AHR: variants seen among roughly 807,000 people sequenced by gnomAD.
AHR encodes AH-receptor.
A neutral mutation model predicts 86.8 loss-of-function variants in AHR; 40 were observed. The observed-to-expected ratio is 0.46, with a 90% CI of 0.36 to 0.60. The LOEUF (loss-of-function observed/expected upper bound fraction) is 0.60, where lower values mean the gene tolerates loss of function less well. Ranked by LOEUF, AHR falls within the 20% of genes least tolerant of loss-of-function variation. The pLI is 0.00. For missense variants in AHR, 1,001 were observed against 1,011.6 expected (o/e 0.99, Z 0.14); for synonymous variants, 398 against 354.9 (o/e 1.12, Z -1.37).
intron 1 of AHR, among the ~76,000 whole-genome samples, chr7:17,302,223 T>G (rs1211773818): frequency 6.6e-6 from 1 of 152,054 alleles, no homozygotes; most frequent in Admixed American, 6.6e-5. Context: ...ATCTACACTT[T>G]AAAATGATAC....
At chr7:17,309,114 ACTTTT>A (rs1562474530) in intron 1 of AHR, among the ~76,000 whole-genome samples, 2 of 152,146 alleles carry the variant, frequency 1.3e-5, no homozygotes, top group Non-Finnish European at 2.9e-5. Flanking sequence ...AAGTTATTCA[ACTTTT>A]CTTTTCTGAA....
Position 17,308,015 on chromosome 7 carries a change from C to A in AHR, c.66-1921C>A, listed in dbSNP as rs140140671. On this transcript the variant is annotated intron_variant, in intron 1 of 10. Transcript: ENST00000242057. ...ACGTCTGTCACCCCTTAGTTTCTTA[C>A]CTTGCTTTATTTTTCTTCTTAGCAC... Among the ~76,000 whole-genome samples the A allele has an allele frequency of 2.0e-5, 3 of 152,180 alleles. No individual in the cohort carries two copies. In the East Asian group the frequency reaches 5.8e-4, roughly 29 times the overall value.
intron 2 of AHR, among the ~76,000 whole-genome samples, chr7:17,320,010 C>T (rs532587739): frequency 1.3e-5 from 2 of 152,140 alleles, no homozygotes; most frequent in African/African-American, 4.8e-5. Context: ...TGGTAGAAAC[C>T]TCCAGTGATC....
intron 7 of AHR, among the ~76,000 whole-genome samples, chr7:17,334,349 G>T (rs554491923): frequency 6.6e-6 from 1 of 152,004 alleles, no homozygotes; most frequent in South Asian, 2.1e-4. Flanking sequence ...TATTAGTAAG[G>T]TTTATTCTTC....
Position 17,299,290 on chromosome 7 carries a change from C to T in AHR, c.26C>T (p.Thr9Ile). 1 of 1,612,530 alleles carries T rather than the reference C, an allele frequency of 6.2e-7. No individual in the cohort carries two copies. MNSSSANI[T>I]YASRKRRKPV... ...ATGAACAGCAGCAGCGCCAACATCA[C>T]CTACGCCAGTCGCAAGCGGCGGAAG... The change falls in exon 1 of 11, where the codon ACC (threonine) becomes ATC (isoleucine). Residue 9 changes from threonine to isoleucine, a missense_variant. Around this residue, in one of 2 missense-constraint regions of AHR, gnomAD observed 394 missense variants for 468.5 expected, o/e 0.84. Transcript: ENST00000242057.
At chr7:17,329,646 G>A (rs1175026510) in intron 4 of AHR, among the ~76,000 whole-genome samples, 1 of 151,876 alleles carries the variant, frequency 6.6e-6, no homozygotes, top group Non-Finnish European at 1.5e-5. Flanking sequence ...ACTAACAAAT[G>A]AATATGGAAC....
chr7:17,340,487 A>G (rs568796308), intron 10 of AHR, among the ~76,000 whole-genome samples: 1 of 152,200 alleles, frequency 6.6e-6, no homozygotes, highest in East Asian at 1.9e-4. Context: ...TGTCCTTAAT[A>G]TAAGATGACC....
chr7:17,338,667 G>A (rs546068957), intron 9 of AHR, among the ~76,000 whole-genome samples: 16 of 152,084 alleles, frequency 1.1e-4, no homozygotes, highest in Admixed American at 3.3e-4. Flanking sequence ...CTAAATTCTC[G>A]TAGTCTGTTT....
chr7:17,328,906 C>T (rs945434646), intron 4 of AHR, among the ~76,000 whole-genome samples: 11 of 151,880 alleles, frequency 7.2e-5, no homozygotes, highest in Non-Finnish European at 1.6e-4. Flanking sequence ...ACTACTGCTA[C>T]CACAAAGTCT....
At chr7:17,340,292 C>T in intron 10 of AHR, 64 bp downstream of exon 10, 1 of 1,500,270 alleles carries the variant, frequency 6.7e-7, no homozygotes. Context: ...AGACATGTTA[C>T]ACATTTTTTA....
At chr7:17,337,620 G>A (rs1329008021) in intron 9 of AHR, among the ~76,000 whole-genome samples, 8 of 150,208 alleles carry the variant, frequency 5.3e-5, no homozygotes, top group African/African-American at 9.7e-5. Context: ...GACTACAGGC[G>A]CCCGCCACTA....
chr7:17,302,481 TA>T (rs1220011822), intron 1 of AHR, among the ~76,000 whole-genome samples: 4 of 152,022 alleles, frequency 2.6e-5, no homozygotes, highest in African/African-American at 9.7e-5. Context: ...ATTTTTAAAA[TA>T]GCATCTAAAA....
chr7:17,329,082 G>A (rs886810343), intron 4 of AHR, among the ~76,000 whole-genome samples: 3 of 151,748 alleles, frequency 2.0e-5, no homozygotes, highest in South Asian at 2.1e-4. Context: ...TTTTTTTCTC[G>A]CATATACACA....
At chr7:17,330,301 A>G (rs963903319) in intron 5 of AHR, among the ~76,000 whole-genome samples, 1 of 151,912 alleles carries the variant, frequency 6.6e-6, no homozygotes, top group Non-Finnish European at 1.5e-5. Flanking sequence ...GAGTATTGCC[A>G]TAGTCAGTAA....
At chr7:17,335,545 A>C in intron 8 of AHR, 100 bp from the exon 9 acceptor site, 2 of 961,476 alleles carry the variant, frequency 2.1e-6, no homozygotes, top group Non-Finnish European at 2.9e-6. Context: ...GGGATAAAGG[A>C]AATACATCCA....
Position 17,310,087 on chromosome 7 carries a change from A to G in AHR, c.217A>G (p.Ser73Gly), listed in dbSNP as rs780116879. 1 of 1,613,876 alleles carries G rather than the reference A, an allele frequency of 6.2e-7. No individual in the cohort carries two copies. Residue 73 changes from serine (S) to glycine (G), a missense_variant, in exon 2 of 11, where the codon AGC (serine) becomes GGC (glycine). Transcript: ENST00000242057. ...GGACAAACTTTCAGTTCTTAGGCTC[A>G]GCGTCAGTTACCTGAGAGCCAAGAG... ...KLDKLSVLRL[S>G]VSYLRAKSFF...
rs148672036 is a variant in AHR, at chr7:17,333,950, A to G, written c.744A>G (p.Gly248=). ...NFQGKLKYLH[G]QKKKGKDGSI... ...AAGGGAAGTTAAAGTATCTTCATGG[A>G]CAGAAAAAGAAAGGGAAAGATGGAT... Residue 248 remains glycine (G), a synonymous_variant, in exon 7 of 11, where the codon GGA becomes GGG. Coordinates refer to ENST00000242057, the MANE Select transcript of AHR (RefSeq NM_001621.5). The G allele has an allele frequency of 3.7e-6, 6 of 1,613,352 alleles. No individual in the cohort carries two copies. The highest frequency in any genetic ancestry group is 5.1e-6 in the Non-Finnish European group (6 of 1,179,448).
At position 17,336,805 on chromosome 7, in the gene AHR, C is replaced by T. The variant is rs548927272; in HGVS notation, c.1160+1019C>T. Among the ~76,000 whole-genome samples the T allele has an allele frequency of 2.0e-5, 3 of 152,178 alleles. No individual in the cohort carries two copies. In the East Asian group the frequency reaches 5.8e-4, roughly 29 times the overall value. On this transcript the variant is annotated intron_variant, in intron 9 of 10. Coordinates refer to ENST00000242057, the MANE Select transcript of AHR (RefSeq NM_001621.5). Reference sequence around the variant, plus strand: ...TCCCTTGATCAATGTTTCTAGAAGGCACTTTTTTTAATTAGATTTTATTAG... The same window carrying T: ...TCCCTTGATCAATGTTTCTAGAAGGTACTTTTTTTAATTAGATTTTATTAG...
chr7:17,315,569 A>G (rs1782106962), intron 2 of AHR, among the ~76,000 whole-genome samples: 2 of 151,496 alleles, frequency 1.3e-5, no homozygotes, highest in Admixed American at 6.6e-5. Context: ...TTTTCTTTTT[A>G]GGGAGACTAC....
Sources: gnomAD v4.1 joint callset for allele counts (sites outside exome capture counted in the v4.1 genomes callset) on GRCh38, gnomAD v4.1.1 for gene constraint, gnomAD v4.1.1 regional missense constraint, MANE v1.5 for transcripts, NCBI Gene and HGNC (gene_info 2026-07-23, HGNC 2026-07-21) for gene names.